The following TMEM232 variants were observed in gnomAD, a reference collection of about 807,000 sequenced individuals.
The protein encoded by TMEM232 is transmembrane protein 232.
In TMEM232, 80 loss-of-function variants were observed where a neutral mutation model predicts 78.8. That is an observed-to-expected ratio of 1.01 (90% confidence interval 0.85 to 1.22). The LOEUF (loss-of-function observed/expected upper bound fraction) is 1.22, where lower values mean the gene tolerates loss of function less well. Ranked by LOEUF, TMEM232 falls within the 50% of genes most tolerant of loss-of-function variation. The pLI is 0.00. For synonymous variants in TMEM232, 297 were observed against 254.3 expected (o/e 1.17, Z -1.60); for missense variants, 881 against 742.2 (o/e 1.19, Z -2.17).
chr5:110,609,764 C>A (rs369578253), intron 8 of TMEM232, among the ~76,000 whole-genome samples: 12 of 152,028 alleles, frequency 7.9e-5, no homozygotes, highest in Non-Finnish European at 1.5e-5. Flanking sequence ...TGAACACAAA[C>A]CTCTTATTTA....
chr5:110,711,504 T>C (rs1796474462), intron 1 of TMEM232, among the ~76,000 whole-genome samples: 1 of 152,134 alleles, frequency 6.6e-6, no homozygotes, highest in African/African-American at 2.4e-5. Flanking sequence ...TTAACTGACT[T>C]CAAATTATAC....
chr5:110,539,248 C>G (rs1772796043), intron 11 of TMEM232, among the ~76,000 whole-genome samples: 2 of 152,140 alleles, frequency 1.3e-5, no homozygotes, highest in Admixed American at 1.3e-4. Context: ...AAGCTGGAAG[C>G]AAGAAAAGGC....
At chr5:110,643,466 G>C (rs1005988822) in intron 2 of TMEM232, among the ~76,000 whole-genome samples, 6 of 152,078 alleles carry the variant, frequency 3.9e-5, no homozygotes, top group African/African-American at 1.4e-4. Flanking sequence ...AAGAAAAGTA[G>C]GACAAATAAG....
intron 12 of TMEM232, among the ~76,000 whole-genome samples, chr5:110,513,038 T>C (rs2149476687): frequency 6.6e-6 from 1 of 152,312 alleles, no homozygotes; most frequent in South Asian, 2.1e-4. Flanking sequence ...GCTAAAGCTA[T>C]TGCCCCATTG....
chr5:110,519,737 T>C (rs1364897895), intron 12 of TMEM232, among the ~76,000 whole-genome samples: 1 of 151,754 alleles, frequency 6.6e-6, no homozygotes, highest in Non-Finnish European at 1.5e-5. Flanking sequence ...CATCAATAGA[T>C]GAACAAATAA....
At chr5:110,431,088 G>C (rs1189063444) in intron 12 of TMEM232, among the ~76,000 whole-genome samples, 6 of 151,548 alleles carry the variant, frequency 4.0e-5, no homozygotes, top group African/African-American at 1.5e-4. Context: ...AAAGAGTTTA[G>C]AGCTGCCGAG....
intron 5 of TMEM232, among the ~76,000 whole-genome samples, chr5:110,633,733 A>G (rs1014440791): frequency 6.6e-6 from 1 of 152,038 alleles, no homozygotes; most frequent in Non-Finnish European, 1.5e-5. Context: ...AGTCAATTAA[A>G]CCTCTTTTCT....
rs190155463 is a variant in TMEM232, at chr5:110,638,941, C to T, written c.344-586G>A. Among the ~76,000 whole-genome samples the T allele has an allele frequency of 4.8e-4, 73 of 152,142 alleles. No homozygotes were observed. In the East Asian group the frequency reaches 0.013, roughly 27 times the overall value. On this transcript the variant is annotated intron_variant, in intron 4 of 13. Transcript: ENST00000455884. The stretch of plus-strand genomic sequence containing the variant: ...TCAAGGTAGAGGAAACAGGGCCAAC[C>T]GGTGAAGCTGAAGGAAGAAGAATAT...
At chr5:110,514,551 T>C (rs1768314040) in intron 12 of TMEM232, among the ~76,000 whole-genome samples, 1 of 152,104 alleles carries the variant, frequency 6.6e-6, no homozygotes, top group Non-Finnish European at 1.5e-5. Context: ...TTTTTAATTT[T>C]TAAAGATCAG....
chr5:110,596,635 A>C (rs1397172951), intron 10 of TMEM232, among the ~76,000 whole-genome samples: 3 of 152,158 alleles, frequency 2.0e-5, no homozygotes, highest in African/African-American at 7.2e-5. Flanking sequence ...GGCAAACCGA[A>C]TCCAGCAGCA....
intron 12 of TMEM232, among the ~76,000 whole-genome samples, chr5:110,452,294 T>C (rs1760387744): frequency 6.6e-6 from 1 of 152,224 alleles, no homozygotes; most frequent in South Asian, 2.1e-4. Context: ...GATTTTTGTC[T>C]ACCTGGTTGG....
intron 11 of TMEM232, among the ~76,000 whole-genome samples, chr5:110,552,951 T>G (rs1774644409): frequency 3.3e-5 from 5 of 152,160 alleles, no homozygotes; most frequent in African/African-American, 1.2e-4. Flanking sequence ...TTCAGTCTTC[T>G]GCATATAGCT....
intron 12 of TMEM232, among the ~76,000 whole-genome samples, chr5:110,435,627 G>C (rs1479286071): frequency 6.6e-6 from 1 of 151,498 alleles, no homozygotes. Flanking sequence ...CACTACCTCT[G>C]GTAAACATCC....
chr5:110,505,663 C>T (rs1223585920), intron 12 of TMEM232, among the ~76,000 whole-genome samples: 10 of 152,128 alleles, frequency 6.6e-5, no homozygotes, highest in Admixed American at 3.9e-4. Context: ...TGCACAACCA[C>T]GCCCTAATTT....
intron 2 of TMEM232, among the ~76,000 whole-genome samples, chr5:110,649,540 G>T (rs558007437): frequency 1.3e-5 from 2 of 151,818 alleles, no homozygotes; most frequent in Non-Finnish European, 2.9e-5. Flanking sequence ...TATTCTAGTC[G>T]TTCATATTCT....
At chr5:110,453,722 G>T (rs934849420) in intron 12 of TMEM232, among the ~76,000 whole-genome samples, 1 of 151,968 alleles carries the variant, frequency 6.6e-6, no homozygotes, top group Non-Finnish European at 1.5e-5. Flanking sequence ...GACTACTTTG[G>T]TATAAACCTT....
downstream of TMEM232, among the ~76,000 whole-genome samples, chr5:110,419,079 G>A (rs1213564911): frequency 6.6e-6 from 1 of 152,076 alleles, no homozygotes; most frequent in Non-Finnish European, 1.5e-5. Flanking sequence ...GATGAAGAGG[G>A]ACTCAGAAGG....
chr5:110,475,819 A>G (rs1763192195), intron 12 of TMEM232, among the ~76,000 whole-genome samples: 1 of 151,956 alleles, frequency 6.6e-6, no homozygotes, highest in African/African-American at 2.4e-5. Flanking sequence ...GGAAAGAACC[A>G]CTAAAAAAAA....
At chr5:110,496,357 A>T (rs1180222501) in intron 12 of TMEM232, among the ~76,000 whole-genome samples, 1 of 152,010 alleles carries the variant, frequency 6.6e-6, no homozygotes, top group Non-Finnish European at 1.5e-5. Flanking sequence ...AATGAAGCTC[A>T]TGAACACTAT....
Sources: allele counts gnomAD v4.1 joint callset (sites outside exome capture counted in the v4.1 genomes callset), GRCh38; gene constraint gnomAD v4.1.1; transcripts MANE v1.5; gene names NCBI Gene and HGNC (gene_info 2026-07-23, HGNC 2026-07-21).